The following MICAL3 variants were observed in gnomAD, a reference collection of about 807,000 sequenced individuals.
MICAL3 encodes the protein [F-actin]-monooxygenase MICAL3.
MICAL3 carries 62 observed loss-of-function variants against 207.4 expected under a neutral mutation model. The ratio of observed to expected loss-of-function variants is 0.30; its 90% CI spans 0.24 to 0.37. The LOEUF is 0.37. MICAL3 is among the 10% of genes least tolerant of loss of function. The pLI is 1.00. For synonymous variants in MICAL3, 1,077 were observed against 1,069.3 expected (o/e 1.01, Z -0.14); for missense variants, 2,368 against 2,635.6 (o/e 0.90, Z 2.22).
chr22:17,877,279 GGGAGGTTAT>G (rs1928757774), intron 16 of MICAL3, among the ~76,000 whole-genome samples: 5 of 65,330 alleles, frequency 7.7e-5, no homozygotes, highest in African/African-American at 9.4e-5. Context: ...ATGGAGGTTA[GGGAGGTTAT>G]GGAGGTTAGG....
chr22:17,900,766 C>A lies in MICAL3; in HGVS notation c.847+76G>T. ...GAGGGACACCGACGGCCACTCACCC[C>A]ACCAATCCCCCAAGAAAAAGCCACC... On this transcript the variant is annotated intron_variant, in intron 6 of 31. Coordinates refer to ENST00000441493, the MANE Select transcript of MICAL3 (RefSeq NM_015241.3). This position sits in a 1 kb window ranked among gnomAD's most constrained non-coding sequence, Gnocchi z 4.0. 7.2e-7 allele frequency: 1 copy of A among 1,388,460 alleles called. No homozygotes were observed. The highest frequency in any genetic ancestry group is 1.8e-5 in the Admixed American group (1 of 55,248). The allele number at this position is 1,388,460 out of a possible 1,614,324, so 86.0% of individuals were successfully genotyped here.
chr22:17,989,234 T>C (rs1921389342), intron 1 of MICAL3, among the ~76,000 whole-genome samples: 2 of 152,078 alleles, frequency 1.3e-5, no homozygotes, highest in African/African-American at 4.8e-5. Flanking sequence ...CAGGAAGCCC[T>C]TCCTGCCTTC....
chr22:18,020,082 G>A (rs1323680423), intron 1 of MICAL3: 3 of 151,880 alleles, frequency 2.0e-5, no homozygotes, highest in African/African-American at 7.3e-5. Context: ...CAAAGTGCTG[G>A]GATTACAGGT....
Position 17,796,159 on chromosome 22 carries a change from A to G in MICAL3, c.5651-4858T>C, listed in dbSNP as rs533803361. 1.7e-4 allele frequency among the ~76,000 whole-genome samples: 26 copies of G among 152,342 alleles called. No homozygotes were observed. Among genetic ancestry groups the G allele is most frequent in the African/African-American group, 6.3e-4 (26 of 41,566 alleles). ...CCCGAGCAGTGAGCGGGTCCTGGTC[A>G]GAGGACCCCTCCTCCCTGGAGCACT... is the stretch of plus-strand genomic sequence containing the variant. On this transcript the variant is annotated intron_variant, in intron 29 of 31. Transcript: ENST00000441493. The surrounding 1 kb of genome is among the most constrained non-coding windows in gnomAD (Gnocchi z 4.4).
intron 1 of MICAL3, among the ~76,000 whole-genome samples, chr22:17,908,202 C>T (rs1378149030): frequency 6.6e-6 from 1 of 152,216 alleles, no homozygotes; most frequent in Non-Finnish European, 1.5e-5. Context: ...CACAGCCAGA[C>T]CCCAGCTGCA....
intron 11 of MICAL3, among the ~76,000 whole-genome samples, chr22:17,892,327 T>C (rs921201404): frequency 1.3e-5 from 2 of 152,208 alleles, no homozygotes; most frequent in South Asian, 4.1e-4. Flanking sequence ...ACAGCCTCTT[T>C]AAAAATCCTA....
In MICAL3 at chr22:17,887,152, T is replaced by C. The variant is rs1468654470; in HGVS notation, c.2067+18A>G. On this transcript the variant is annotated intron_variant, in intron 15 of 31. Transcript: ENST00000441493. Reference sequence around the variant, plus strand: ...TATTCCACATGACCATTCTAGCAATTCCCCAAGTGAATCTCACCTCCTCTG... The same window carrying C: ...TATTCCACATGACCATTCTAGCAATCCCCCAAGTGAATCTCACCTCCTCTG... 8 of 1,607,888 alleles carry C rather than the reference T, an allele frequency of 5.0e-6. No homozygotes were observed. The highest frequency in any genetic ancestry group is 6.0e-6 in the Non-Finnish European group (7 of 1,174,938).
At position 17,879,214 on chromosome 22, in the gene MICAL3, TG is replaced by T. The variant is rs1204514633; in HGVS notation, c.2241+6663del. 7.0e-5 allele frequency: 47 copies of T among 667,060 alleles called. No homozygotes were observed. The East Asian group carries it at 1.3e-3, about 18-fold the overall frequency. The allele number at this position is 667,060 out of a possible 1,614,324, so 41.3% of individuals were successfully genotyped here. A position where few individuals can be genotyped will look rare whatever the true frequency, so the allele number is the denominator to read the frequency against. On this transcript the variant is annotated intron_variant, in intron 16 of 31. Coordinates refer to ENST00000441493, the MANE Select transcript of MICAL3 (RefSeq NM_015241.3). ...AGCAAAAAGAATTCTGGCTCTTGGC[TG>T]GGTGACAAGAGCGTGCAAAAAGCAA...
chr22:17,863,848 C>A (rs1569101185), intron 19 of MICAL3: 27 of 985,352 alleles, frequency 2.7e-5, no homozygotes, highest in Non-Finnish European at 3.0e-5. Flanking sequence ...ATTCTATGAC[C>A]AACTCCTCCT....
At chr22:17,999,902 T>C (rs191036062) in intron 1 of MICAL3, among the ~76,000 whole-genome samples, 47 of 152,274 alleles carry the variant, frequency 3.1e-4, no homozygotes, top group Non-Finnish European at 5.7e-4. Flanking sequence ...ACTATAAGAC[T>C]TGAACAATCT....
At chr22:17,907,478 T>C (rs1007399296) in intron 1 of MICAL3, among the ~76,000 whole-genome samples, 4 of 152,188 alleles carry the variant, frequency 2.6e-5, no homozygotes, top group Non-Finnish European at 1.5e-5. Context: ...CTTCCTCACC[T>C]GCACACGTGA....
intron 1 of MICAL3, among the ~76,000 whole-genome samples, chr22:17,982,585 C>T (rs928738208): frequency 1.3e-5 from 2 of 151,932 alleles, no homozygotes; most frequent in African/African-American, 4.8e-5. Context: ...GCAGGAGAAT[C>T]GCTTGAACCA....
rs113884427 is a variant in MICAL3 at position 17,795,074 on chromosome 22, C to T, written c.5651-3773G>A. Among the ~76,000 whole-genome samples, 485 of 152,308 alleles carry T rather than the reference C, an allele frequency of 3.2e-3. 2 individuals carry two copies. The highest frequency in any genetic ancestry group is 0.011 in the African/African-American group (449 of 41,566). ...GTTTTCTGTCTTTGAACCCTTCCAG[C>T]GTGGCGTACCTTGGGCACACTGAAT... On this transcript the variant is annotated intron_variant, in intron 29 of 31. Transcript: ENST00000441493.
chr22:17,903,889 A>G (rs1344932428), intron 3 of MICAL3, among the ~76,000 whole-genome samples: 1 of 152,266 alleles, frequency 6.6e-6, no homozygotes, highest in Non-Finnish European at 1.5e-5. Flanking sequence ...TCCTGAAAGC[A>G]TTAATGATAA....
intron 16 of MICAL3, among the ~76,000 whole-genome samples, chr22:17,873,176 C>G (rs531443723): frequency 6.6e-6 from 1 of 152,226 alleles, no homozygotes; most frequent in South Asian, 2.1e-4. Context: ...AGGGCGAACG[C>G]GCACAGAGAC....
At chr22:17,851,628 A>G (rs1925350598) in intron 19 of MICAL3, among the ~76,000 whole-genome samples, 1 of 152,218 alleles carries the variant, frequency 6.6e-6, no homozygotes, top group South Asian at 2.1e-4. Flanking sequence ...CAGAGACTTC[A>G]TGACCACCAT....
chr22:17,812,610 A>G, intron 27 of MICAL3: 9 of 843,450 alleles, frequency 1.1e-5, no homozygotes, highest in Non-Finnish European at 1.3e-5. Flanking sequence ...AATAATAATG[A>G]TTAACAAATT....
At chr22:17,795,505 C>T (rs1337870603) in intron 29 of MICAL3, among the ~76,000 whole-genome samples, 4 of 152,232 alleles carry the variant, frequency 2.6e-5, no homozygotes, top group Admixed American at 2.6e-4. Flanking sequence ...CTGGACAGCA[C>T]AAAATACAGC....
chr22:17,946,042 TAAC>T (rs1026295904), intron 1 of MICAL3, among the ~76,000 whole-genome samples: 1 of 152,158 alleles, frequency 6.6e-6, no homozygotes, highest in Non-Finnish European at 1.5e-5. Context: ...TCCTCGCTAG[TAAC>T]AACAGGGTAT....
Sources: gnomAD v4.1 joint callset for allele counts (sites outside exome capture counted in the v4.1 genomes callset) on GRCh38, gnomAD v4.1.1 for gene constraint, Gnocchi (gnomAD v3.1) non-coding constraint, MANE v1.5 for transcripts, NCBI Gene and HGNC (gene_info 2026-07-23, HGNC 2026-07-21) for gene names.